Variants in ANO6 observed in about 807,000 individuals in gnomAD.
ANO6 encodes anoctamin 6, also known as anoctamin-6.
In ANO6, 106 loss-of-function variants were observed where a neutral mutation model predicts 117.5. The ratio of observed to expected loss-of-function variants is 0.90; its 90% confidence interval spans 0.77 to 1.06. The LOEUF (loss-of-function observed/expected upper bound fraction) is 1.06, where lower values mean the gene tolerates loss of function less well. Ranked by LOEUF, ANO6 falls within the 50% of genes least tolerant of loss-of-function variation. The probability of loss-of-function intolerance (pLI) is 0.00; values close to 1 mark genes in which losing one functional copy is unlikely to be tolerated. For missense variants in ANO6, 955 were observed against 1,121.1 expected, an observed-to-expected ratio of 0.85 and a Z score of 2.12; for synonymous variants, 367 against 385.1, an observed-to-expected ratio of 0.95 and a Z score of 0.55.
At chr12:45,386,653 A>T (rs1942307304) in intron 10 of ANO6, among the ~76,000 whole-genome samples, 1 of 151,762 alleles carries the variant, frequency 6.6e-6, no homozygotes, top group Admixed American at 6.6e-5. Flanking sequence ...AACTCTCTAA[A>T]CTCCTTTCAA....
intron 9 of ANO6, among the ~76,000 whole-genome samples, chr12:45,377,122 T>G (rs997230240): frequency 5.9e-5 from 9 of 151,990 alleles, no homozygotes; most frequent in African/African-American, 1.9e-4. Context: ...AGCTTTGAAT[T>G]TTCTTTCAGC....
chr12:45,309,219 T>C (rs1341720899), intron 2 of ANO6, among the ~76,000 whole-genome samples: 6 of 152,040 alleles, frequency 3.9e-5, no homozygotes, highest in African/African-American at 1.4e-4. Flanking sequence ...TCATGTCATG[T>C]CTCTGGATGC....
In ANO6 at chr12:45,261,898, G is replaced by A. The variant is rs146583802; in HGVS notation, c.71-40116G>A. On this transcript the variant is annotated intron_variant, in intron 1 of 19. Transcript: ENST00000320560. Reference sequence around the variant, plus strand: ...ATACATTTCAATTTTAAAAGGTACCGTTTTCACTTAAATGGCATGTTTTAT... The same window carrying A: ...ATACATTTCAATTTTAAAAGGTACCATTTTCACTTAAATGGCATGTTTTAT... Among the ~76,000 whole-genome samples, 116 of 152,266 alleles carry A rather than the reference G, an allele frequency of 7.6e-4. 1 individual carries two copies. The highest frequency in any genetic ancestry group is 5.9e-4 in the Admixed American group (9 of 15,298).
At chr12:45,302,756 A>G (rs192309452) in intron 2 of ANO6, among the ~76,000 whole-genome samples, 1 of 152,280 alleles carries the variant, frequency 6.6e-6, no homozygotes, top group East Asian at 1.9e-4. Context: ...AGATTTTTAC[A>G]TTAGGCTCAT....
chr12:45,335,265 A>T lies in ANO6; in HGVS notation c.279+3842A>T, dbSNP rs1158709840. Among the ~76,000 whole-genome samples, 15 of 152,068 alleles carry T rather than the reference A, an allele frequency of 9.9e-5. 1 individual carries two copies. Among genetic ancestry groups the T allele is most frequent in the Admixed American group, 9.8e-4 (15 of 15,230 alleles). ...TGATCAAAGTTAAATTTATCTAATT[A>T]TAATTTAATTCAAACTTTCAAATAC... On this transcript the variant is annotated intron_variant, in intron 3 of 19. Coordinates refer to ENST00000320560, the MANE Select transcript of ANO6 (RefSeq NM_001025356.3).
intron 1 of ANO6, among the ~76,000 whole-genome samples, chr12:45,294,074 T>A (rs1244695377): frequency 6.6e-6 from 1 of 152,114 alleles, no homozygotes; most frequent in Non-Finnish European, 1.5e-5. Context: ...GATATGGGAA[T>A]GTGCATTCCA....
chr12:45,429,863 A>C lies in ANO6; in HGVS notation c.*552A>C. Reference sequence around the variant, plus strand: ...TACCTCCAGAAAGGAAACCTCAGTTAATCAGAGGAAATAGTTTCAGTCTTC... The same window carrying C: ...TACCTCCAGAAAGGAAACCTCAGTTCATCAGAGGAAATAGTTTCAGTCTTC... On this transcript the variant is annotated 3_prime_UTR_variant, in exon 20 of 20. Coordinates refer to ENST00000320560, the MANE Select transcript of ANO6 (RefSeq NM_001025356.3). 2 of 989,144 alleles carry C rather than the reference A, an allele frequency of 2.0e-6. No homozygotes were observed. The highest frequency in any genetic ancestry group is 2.4e-6 in the Non-Finnish European group (2 of 832,136). 61.3% of individuals were successfully genotyped at this position (989,144 alleles called of 1,614,324 possible). A position where few individuals can be genotyped will look rare whatever the true frequency, so the allele number is the denominator to read the frequency against.
downstream of ANO6, among the ~76,000 whole-genome samples, chr12:45,433,662 C>G (rs368920081): frequency 6.6e-6 from 1 of 151,740 alleles, no homozygotes; most frequent in African/African-American, 2.4e-5. Flanking sequence ...CTCCTAAGCT[C>G]TCTCTTCTGA....
At chr12:45,390,741 A>G (rs1593053684) in intron 12 of ANO6, among the ~76,000 whole-genome samples, 1 of 151,070 alleles carries the variant, frequency 6.6e-6, no homozygotes. Context: ...CTCATCTGTT[A>G]AATCAGTGAT....
In ANO6 at chr12:45,317,111, A is replaced by ATGTG. The variant is rs10632163; in HGVS notation, c.151-14181_151-14180insGTGT. On this transcript the variant is annotated intron_variant, in intron 2 of 19. Transcript: ENST00000320560. Reference sequence around the variant, plus strand: ...GAAAAGACAGCTGGATTCTTTTTATATGTATATATATATATATATATTTAT... The same window carrying ATGTG: ...GAAAAGACAGCTGGATTCTTTTTATATGTGTGTATATATATATATATATATTTAT... Among the ~76,000 whole-genome samples, 42 of 13,998 alleles carry ATGTG rather than the reference A, an allele frequency of 3.0e-3. 9 individuals are homozygous for ATGTG. Among genetic ancestry groups the ATGTG allele is most frequent in the East Asian group, 0.013 (3 of 228 alleles). The allele number at this position is 13,998 out of a possible 152,430, so 9.2% of individuals were successfully genotyped here.
chr12:45,439,085 G>A (rs565038614), intron 19 of ANO6, among the ~76,000 whole-genome samples: 1 of 152,278 alleles, frequency 6.6e-6, no homozygotes, highest in African/African-American at 2.4e-5. Flanking sequence ...GTAAAGCTTG[G>A]TTTGGTACAA....
At chr12:45,407,734 G>T (rs563772468) in intron 15 of ANO6, among the ~76,000 whole-genome samples, 11 of 152,226 alleles carry the variant, frequency 7.2e-5, no homozygotes, top group African/African-American at 2.4e-4. Flanking sequence ...CATTCAGCAG[G>T]TTTTGATGTG....
intron 16 of ANO6, among the ~76,000 whole-genome samples, chr12:45,416,349 C>T (rs1335001157): frequency 6.6e-6 from 1 of 151,970 alleles, no homozygotes; most frequent in East Asian, 1.9e-4. Flanking sequence ...TCCTAAACCA[C>T]AAATCTTCTT....
chr12:45,244,904 G>A (rs947532902), intron 1 of ANO6, among the ~76,000 whole-genome samples: 1 of 152,146 alleles, frequency 6.6e-6, no homozygotes, highest in African/African-American at 2.4e-5. Flanking sequence ...AGCTTACATC[G>A]AATGGCCTGA....
chr12:45,298,068 C>T (rs962178121), intron 1 of ANO6, among the ~76,000 whole-genome samples: 2 of 152,180 alleles, frequency 1.3e-5, no homozygotes, highest in Non-Finnish European at 2.9e-5. Flanking sequence ...TTTCATTGTG[C>T]ATCCATGCGA....
At position 45,407,492 on chromosome 12, in the gene ANO6, C is replaced by G. The variant is rs988191609; in HGVS notation, c.1881-1865C>G. ...GGTGCTACCTGAGTCACCCCCCCCC[C>G]CCCCCCCGGAATGACTGCAAAACTG... On this transcript the variant is annotated intron_variant, in intron 15 of 19. Coordinates refer to ENST00000320560, the MANE Select transcript of ANO6 (RefSeq NM_001025356.3). 4.2e-4 allele frequency among the ~76,000 whole-genome samples: 25 copies of G among 60,112 alleles called. 6 individuals are homozygous for G. The highest frequency in any genetic ancestry group is 1.3e-3 in the African/African-American group (23 of 17,588). The allele number at this position is 60,112 out of a possible 152,430, so 39.4% of individuals were successfully genotyped here.
chr12:45,315,734 A>G (rs927111016), intron 2 of ANO6, among the ~76,000 whole-genome samples: 1 of 151,880 alleles, frequency 6.6e-6, no homozygotes, highest in African/African-American at 2.4e-5. Context: ...TTTCCTCCTA[A>G]TCTTTTTTCT....
chr12:45,298,991 AAAAC>A (rs1319534103), intron 1 of ANO6, among the ~76,000 whole-genome samples: 2 of 152,136 alleles, frequency 1.3e-5, no homozygotes, highest in Admixed American at 1.3e-4. Context: ...TGTAAAAAAA[AAAAC>A]AAAAACCCCA....
At chr12:45,220,805 G>T (rs569222932) in intron 1 of ANO6, among the ~76,000 whole-genome samples, 16 of 152,186 alleles carry the variant, frequency 1.1e-4, no homozygotes, top group Non-Finnish European at 1.9e-4. Flanking sequence ...CAGGATTAAA[G>T]GTTTGGACTT....
Sources: gnomAD v4.1 joint callset for allele counts (sites outside exome capture counted in the v4.1 genomes callset) on GRCh38, gnomAD v4.1.1 for gene constraint, MANE v1.5 for transcripts, NCBI Gene and HGNC (gene_info 2026-07-23, HGNC 2026-07-21) for gene names.